Variants in ADGRL2 observed in about 807,000 individuals in gnomAD.
ADGRL2 encodes the protein calcium-independent alpha-latrotoxin receptor 2.
ADGRL2 carries 44 observed loss-of-function variants against 157.4 expected under a neutral mutation model. The ratio of observed to expected loss-of-function variants is 0.28; its 90% CI spans 0.22 to 0.36. The LOEUF is 0.36. Among genes scored for constraint, ADGRL2 ranks in the 10% least tolerant of loss-of-function variants. ADGRL2 has a pLI of 1.00. For synonymous variants in ADGRL2, 585 were observed against 624.7 expected, an observed-to-expected ratio of 0.94 and a Z score of 0.95; for missense variants, 1,510 against 1,768.9, an observed-to-expected ratio of 0.85 and a Z score of 2.63.
At chr1:81,311,170 A>G (rs1284917985) in intron 1 of ADGRL2, among the ~76,000 whole-genome samples, 2 of 152,246 alleles carry the variant, frequency 1.3e-5, no homozygotes, top group Non-Finnish European at 2.9e-5. Flanking sequence ...CTAAAACTTC[A>G]TTAGATAAGA....
In ADGRL2 at chr1:81,341,739, A is replaced by C. The variant is rs756142261; in HGVS notation, c.-302+35230A>C. Among the ~76,000 whole-genome samples the C allele has an allele frequency of 2.0e-5, 3 of 152,234 alleles. No homozygotes were observed. In the Middle Eastern group the frequency reaches 0.01, roughly 518 times the overall value. On this transcript the variant is annotated intron_variant, in intron 1 of 24. Coordinates refer to the ADGRL2 transcript ENST00000370721. ...AAACATGTTTGTAGAGCTCATTGGGAGTTACATATATTTGTGTATCTATGA... is the reference window on the plus strand; with the variant it reads ...AAACATGTTTGTAGAGCTCATTGGGCGTTACATATATTTGTGTATCTATGA...
At chr1:81,368,831 T>C (rs997138104) in intron 1 of ADGRL2, among the ~76,000 whole-genome samples, 2 of 152,166 alleles carry the variant, frequency 1.3e-5, no homozygotes, top group African/African-American at 4.8e-5. Context: ...TCCTGAGGCA[T>C]GAATGTGTTC....
intron 3 of ADGRL2, among the ~76,000 whole-genome samples, chr1:81,589,981 C>G (rs1261352242): frequency 3.9e-5 from 6 of 152,174 alleles, no homozygotes; most frequent in Non-Finnish European, 8.8e-5. Flanking sequence ...CATGACCATA[C>G]TCTAACAAGC....
At chr1:81,594,250 A>G (rs1023697047) in intron 3 of ADGRL2, among the ~76,000 whole-genome samples, 2 of 152,168 alleles carry the variant, frequency 1.3e-5, no homozygotes, top group Middle Eastern at 3.2e-3. Context: ...GCAACCATGG[A>G]GATTTGGAAG....
chr1:81,390,240 T>C (rs1408664190), intron 1 of ADGRL2, among the ~76,000 whole-genome samples: 1 of 152,302 alleles, frequency 6.6e-6, no homozygotes, highest in East Asian at 1.9e-4. Flanking sequence ...ATGGTGCATG[T>C]AGCAAACGTT....
At chr1:81,917,110 A>G (rs1008807042) in intron 3 of ADGRL2, among the ~76,000 whole-genome samples, 3 of 152,112 alleles carry the variant, frequency 2.0e-5, no homozygotes, top group Non-Finnish European at 2.9e-5. Context: ...AATTACAAGC[A>G]TGAGCAACCA....
intron 2 of ADGRL2, among the ~76,000 whole-genome samples, chr1:81,467,594 TA>T (rs2078086050): frequency 6.6e-6 from 1 of 152,182 alleles, no homozygotes; most frequent in Non-Finnish European, 1.5e-5. Context: ...ATGGACTTAA[TA>T]AACTCCATTG....
At chr1:81,861,674 A>G (rs2150787425) in intron 2 of ADGRL2, among the ~76,000 whole-genome samples, 1 of 152,176 alleles carries the variant, frequency 6.6e-6, no homozygotes, top group East Asian at 1.9e-4. Flanking sequence ...GGATCACTTG[A>G]GGTCAAGAGT....
intron 2 of ADGRL2, among the ~76,000 whole-genome samples, chr1:81,501,633 G>A (rs1317680924): frequency 6.6e-6 from 1 of 152,260 alleles, no homozygotes. Context: ...CGCAGCTGCC[G>A]CGCCTGGGCC....
intron 1 of ADGRL2, among the ~76,000 whole-genome samples, chr1:81,376,380 T>A (rs1286979157): frequency 6.6e-6 from 1 of 152,230 alleles, no homozygotes; most frequent in Non-Finnish European, 1.5e-5. Flanking sequence ...TCCAGCCTGC[T>A]TTGTGGAGGC....
chr1:81,778,049 G>T (rs776207169), intron 2 of ADGRL2, among the ~76,000 whole-genome samples: 1 of 152,084 alleles, frequency 6.6e-6, no homozygotes, highest in Non-Finnish European at 1.5e-5. Context: ...GGTCAGGCGC[G>T]GTGGCTCACG....
intron 2 of ADGRL2, among the ~76,000 whole-genome samples, chr1:81,472,958 T>C (rs1415660981): frequency 6.6e-6 from 1 of 152,184 alleles, no homozygotes; most frequent in Non-Finnish European, 1.5e-5. Context: ...CAAAAGTGTC[T>C]GTCTGAGAAC....
At position 81,943,434 on chromosome 1, in the gene ADGRL2, T is replaced by C. The variant is rs771565011; in HGVS notation, c.875T>C (p.Ile292Thr). The part of the protein sequence containing the change: ...ATEQNNGMIV[I>T]SQLNPYTLRF... ...GAACAGAACAATGGAATGATAGTTATTAGCCAGCTGAATCCATACACTCTT... is the reference window on the plus strand; with the variant it reads ...GAACAGAACAATGGAATGATAGTTACTAGCCAGCTGAATCCATACACTCTT... The change falls in exon 6 of 24, where the codon ATT (isoleucine) becomes ACT (threonine). Residue 292 changes from isoleucine (I) to threonine (T), a missense_variant. Transcript: ENST00000686636. The surrounding 1 kb of genome is among the most constrained non-coding windows in gnomAD (Gnocchi z 5.6). 1.2e-6 allele frequency: 2 copies of C among 1,613,720 alleles called. No individual in the cohort carries two copies. The highest frequency in any genetic ancestry group is 1.1e-5 in the South Asian group (1 of 91,078).
At chr1:81,981,471 AAATT>A (rs1361908776) in intron 18 of ADGRL2, among the ~76,000 whole-genome samples, 1 of 151,964 alleles carries the variant, frequency 6.6e-6, no homozygotes, top group Non-Finnish European at 1.5e-5. Context: ...ATACAGGAGT[AAATT>A]AATTAAGCAC....
intron 3 of ADGRL2, among the ~76,000 whole-genome samples, chr1:81,590,725 TA>T (rs370266565): frequency 1.9e-3 from 296 of 152,286 alleles, no homozygotes; most frequent in African/African-American, 6.9e-3. Flanking sequence ...TCAGTTTTTT[TA>T]TTAGTTTATT....
At chr1:81,713,759 T>C (rs2084015173) in intron 1 of ADGRL2, among the ~76,000 whole-genome samples, 1 of 152,150 alleles carries the variant, frequency 6.6e-6, no homozygotes, top group African/African-American at 2.4e-5. Flanking sequence ...ATACAGTAAG[T>C]AAATGATGGA....
intron 1 of ADGRL2, among the ~76,000 whole-genome samples, chr1:81,411,445 C>A (rs926732611): frequency 6.6e-6 from 1 of 152,098 alleles, no homozygotes; most frequent in African/African-American, 2.4e-5. Context: ...ATATTGGTGT[C>A]GTTAGCATCT....
upstream of ADGRL2, among the ~76,000 whole-genome samples, chr1:81,800,227 A>G (rs956742856): frequency 2.0e-5 from 3 of 152,206 alleles, no homozygotes; most frequent in African/African-American, 7.2e-5. Context: ...CTTGTGAAAT[A>G]TAGTCAATAA....
At chr1:81,589,176 A>C (rs558353547) in intron 3 of ADGRL2, among the ~76,000 whole-genome samples, 14 of 152,298 alleles carry the variant, frequency 9.2e-5, no homozygotes, top group Middle Eastern at 3.4e-3. Flanking sequence ...CTGGGCTAGC[A>C]TGTGGTAGGA....
Sources: gnomAD v4.1 joint callset for allele counts (sites outside exome capture counted in the v4.1 genomes callset) on GRCh38, gnomAD v4.1.1 for gene constraint, Gnocchi (gnomAD v3.1) non-coding constraint, MANE v1.5 for transcripts, NCBI Gene and HGNC (gene_info 2026-07-23, HGNC 2026-07-21) for gene names.